Variants in MYRIP observed in about 807,000 individuals in gnomAD.
The protein encoded by MYRIP is myosin VIIA and Rab interacting protein, also known as rab effector MyRIP.
A neutral mutation model predicts 98.0 loss-of-function variants in MYRIP; 49 were observed. That is an observed-to-expected ratio of 0.50 (90% CI 0.40 to 0.63). MYRIP has a LOEUF of 0.63. MYRIP is among the 30% of genes least tolerant of loss of function. The probability of loss-of-function intolerance (pLI) is 0.00; values close to 1 mark genes in which losing one functional copy is unlikely to be tolerated. For missense variants in MYRIP, 1,004 were observed against 1,058.2 expected (o/e 0.95, Z 0.71); for synonymous variants, 404 against 409.5 (o/e 0.99, Z 0.16).
chr3:39,849,186 C>T (rs905474519), intron 1 of MYRIP, among the ~76,000 whole-genome samples: 1 of 152,120 alleles, frequency 6.6e-6, no homozygotes, highest in African/African-American at 2.4e-5. Flanking sequence ...CTACAACTTG[C>T]CTTGTCCTCT....
At chr3:39,938,532 A>G (rs1575396573) in intron 2 of MYRIP, among the ~76,000 whole-genome samples, 1 of 152,204 alleles carries the variant, frequency 6.6e-6, no homozygotes, top group East Asian at 1.9e-4. Context: ...GTATTAGGGC[A>G]GATATTGCCA....
chr3:39,825,540 TC>T (rs1469865459), intron 1 of MYRIP, among the ~76,000 whole-genome samples: 3 of 152,170 alleles, frequency 2.0e-5, no homozygotes, highest in Non-Finnish European at 4.4e-5. Context: ...TTGAGATAAA[TC>T]CCACTTCATC....
At chr3:39,946,352 C>G (rs576995435) in intron 2 of MYRIP, among the ~76,000 whole-genome samples, 1 of 152,210 alleles carries the variant, frequency 6.6e-6, no homozygotes, top group East Asian at 1.9e-4. Flanking sequence ...ACCCTCTAAC[C>G]TGGTGTATGC....
chr3:39,969,813 G>C (rs1302374991), intron 2 of MYRIP, among the ~76,000 whole-genome samples: 1 of 152,142 alleles, frequency 6.6e-6, no homozygotes, highest in Non-Finnish European at 1.5e-5. Flanking sequence ...TCAGGCCTTG[G>C]TATGAAGATG....
intron 2 of MYRIP, among the ~76,000 whole-genome samples, chr3:40,030,504 C>T (rs913566492): frequency 3.3e-5 from 5 of 152,032 alleles, no homozygotes; most frequent in Admixed American, 2.0e-4. Flanking sequence ...TAAAAATACA[C>T]GTCCACACAA....
intron 1 of MYRIP, among the ~76,000 whole-genome samples, chr3:39,881,018 C>T (rs1462177947): frequency 6.6e-6 from 1 of 152,056 alleles, no homozygotes; most frequent in African/African-American, 2.4e-5. Flanking sequence ...GAAGTTGCCT[C>T]AATTTTATCT....
chr3:40,088,370 A>G lies in MYRIP; in HGVS notation c.332+44099A>G, dbSNP rs998822498. On this transcript the variant is annotated intron_variant, in intron 3 of 16. Coordinates refer to ENST00000302541, the MANE Select transcript of MYRIP (RefSeq NM_015460.4). ...AGAACATAAGCTGAAGGATCAGTCA[A>G]TACAACTATGAGGGACAGAGTTGTG... is the stretch of plus-strand genomic sequence containing the variant. Among the ~76,000 whole-genome samples, 9 of 152,236 alleles carry G rather than the reference A, an allele frequency of 5.9e-5. 1 individual carries two copies. The highest frequency in any genetic ancestry group is 5.2e-4 in the Admixed American group (8 of 15,286).
chr3:39,822,133 CTT>C (rs1941120070), intron 1 of MYRIP, among the ~76,000 whole-genome samples: 1 of 152,036 alleles, frequency 6.6e-6, no homozygotes, highest in African/African-American at 2.4e-5. Context: ...AGTAATACCT[CTT>C]GTTTTTAAGT....
intron 3 of MYRIP, among the ~76,000 whole-genome samples, chr3:40,077,344 CTGCTGA>C (rs1948369532): frequency 6.6e-6 from 1 of 152,220 alleles, no homozygotes; most frequent in Non-Finnish European, 1.5e-5. Context: ...CACCCACATC[CTGCTGA>C]TTGGTAGAGC....
intron 1 of MYRIP, among the ~76,000 whole-genome samples, chr3:39,882,840 A>G (rs1315419648): frequency 2.0e-5 from 3 of 151,978 alleles, no homozygotes; most frequent in African/African-American, 7.2e-5. Context: ...TAATCATATA[A>G]CCCTCCCCAC....
At chr3:40,099,122 C>T (rs962115190) in intron 3 of MYRIP, among the ~76,000 whole-genome samples, 2 of 152,062 alleles carry the variant, frequency 1.3e-5, no homozygotes, top group East Asian at 1.9e-4. Context: ...GGTGACCACC[C>T]GATTTTGCCC....
chr3:39,988,439 C>T (rs949821083), intron 2 of MYRIP, among the ~76,000 whole-genome samples: 3 of 152,114 alleles, frequency 2.0e-5, no homozygotes, highest in Non-Finnish European at 4.4e-5. Context: ...TCTCTGGCTA[C>T]GCTTACCACT....
chr3:40,108,903 C>T (rs1050636061), intron 3 of MYRIP, among the ~76,000 whole-genome samples: 4 of 152,164 alleles, frequency 2.6e-5, no homozygotes, highest in African/African-American at 9.7e-5. Context: ...AGAGCCCACA[C>T]CCCACCACTT....
chr3:40,160,650 C>T (rs182344338), intron 4 of MYRIP, among the ~76,000 whole-genome samples: 158 of 152,334 alleles, frequency 1.0e-3, no homozygotes, highest in African/African-American at 3.6e-3. Flanking sequence ...AGCGAGACTC[C>T]GTGGGCGTAG....
At chr3:39,987,070 A>G (rs1389379900) in intron 2 of MYRIP, among the ~76,000 whole-genome samples, 1 of 152,126 alleles carries the variant, frequency 6.6e-6, no homozygotes, top group African/African-American at 2.4e-5. Context: ...TATGTGTGCC[A>G]TGGTGGTTTG....
intron 12 of MYRIP, among the ~76,000 whole-genome samples, chr3:40,241,285 C>T (rs1953006097): frequency 6.6e-6 from 1 of 152,130 alleles, no homozygotes; most frequent in Non-Finnish European, 1.5e-5. Context: ...CTACAGGGAG[C>T]CCAGCTCTGC....
rs116683984 is a variant in MYRIP at position 40,189,362 on chromosome 3, T to C, written c.1028-464T>C. The stretch of plus-strand genomic sequence containing the variant: ...GATCTATAAAAGAGCCAAGAGCAGA[T>C]GTGTTAACCTCTGAGGTCTGCCAGG... On this transcript the variant is annotated intron_variant, in intron 9 of 16. Coordinates refer to ENST00000302541, the MANE Select transcript of MYRIP (RefSeq NM_015460.4). Among the ~76,000 whole-genome samples, 624 of 152,298 alleles carry C rather than the reference T, an allele frequency of 4.1e-3. 4 individuals carry two copies. The highest frequency in any genetic ancestry group is 0.014 in the African/African-American group (597 of 41,566).
intron 3 of MYRIP, among the ~76,000 whole-genome samples, chr3:40,098,977 T>C (rs1323716723): frequency 6.6e-6 from 1 of 152,162 alleles, no homozygotes; most frequent in Non-Finnish European, 1.5e-5. Context: ...GATCTCTTGT[T>C]TGTTTCATTC....
chr3:39,993,574 C>T (rs1946233272), intron 2 of MYRIP, among the ~76,000 whole-genome samples: 1 of 152,190 alleles, frequency 6.6e-6, no homozygotes, highest in Non-Finnish European at 1.5e-5. Flanking sequence ...TGAACCCTGC[C>T]TGGCAATCCT....
Sources: gnomAD v4.1 joint callset for allele counts (sites outside exome capture counted in the v4.1 genomes callset) on GRCh38, gnomAD v4.1.1 for gene constraint, MANE v1.5 for transcripts, NCBI Gene and HGNC (gene_info 2026-07-23, HGNC 2026-07-21) for gene names.